The following MAX variants were observed in gnomAD, a reference collection of about 807,000 sequenced individuals.
The protein encoded by MAX is MYC associated transcriptional regulator X, also known as protein max.
MAX carries 3 observed loss-of-function variants against 22.3 expected under a neutral mutation model. The ratio of observed to expected loss-of-function variants is 0.13; its 90% CI spans 0.06 to 0.35. The LOEUF (loss-of-function observed/expected upper bound fraction) is 0.35. Among genes scored for constraint, MAX ranks in the 10% least tolerant of loss-of-function variants. The pLI, the probability that MAX is intolerant of heterozygous loss-of-function variation, is 1.00. For missense variants in MAX, 119 were observed against 209.4 expected (o/e 0.57, Z 2.66); for synonymous variants, 72 against 77.7 (o/e 0.93, Z 0.39).
intron 3 of MAX, among the ~76,000 whole-genome samples, chr14:65,043,083 A>T (rs1313872712): frequency 6.6e-6 from 1 of 152,166 alleles, no homozygotes; most frequent in Non-Finnish European, 1.5e-5. Flanking sequence ...TTACCTAGTA[A>T]GACTCTAGAA....
intron 3 of MAX, among the ~76,000 whole-genome samples, chr14:65,059,979 A>G (rs2062824761): frequency 1.3e-5 from 2 of 150,994 alleles, no homozygotes; most frequent in South Asian, 2.1e-4. Flanking sequence ...GATTACAGAC[A>G]CTCACCATCA....
chr14:65,076,682 A>G lies in MAX; in HGVS notation c.296-19T>C. On this transcript the variant is annotated intron_variant, in intron 4 of 4. Transcript: ENST00000358664. This position sits in a 1 kb window ranked among gnomAD's most constrained non-coding sequence, Gnocchi z 6.6. ...GCACGGACTAAAAGGCAACCAAGGG[A>G]GTGTGTTACTGCCTTCTGGAGACTT... is the stretch of plus-strand genomic sequence containing the variant. 1 of 1,614,080 alleles carries G rather than the reference A, an allele frequency of 6.2e-7. No individual in the cohort carries two copies. Among genetic ancestry groups the G allele is most frequent in the Non-Finnish European group, 8.5e-7 (1 of 1,179,990 alleles).
At position 65,054,232 on chromosome 14, in the gene MAX, C is replaced by A. The variant is rs1029982905; in HGVS notation, c.171+39476G>T. On this transcript the variant is annotated intron_variant, in intron 3 of 3. Coordinates refer to the MAX transcript ENST00000341653. The surrounding 1 kb of genome is among the most constrained non-coding windows in gnomAD (Gnocchi z 4.4). ...GGCTCGAGTGATCCTCCTGCTTCAGCCTCCCAAGTAACTGGAATTACAGGC... is the reference window on the plus strand; with the variant it reads ...GGCTCGAGTGATCCTCCTGCTTCAGACTCCCAAGTAACTGGAATTACAGGC... Among the ~76,000 whole-genome samples the A allele has an allele frequency of 6.6e-6, 1 of 152,108 alleles. No individual in the cohort carries two copies. The highest frequency in any genetic ancestry group is 2.4e-5 in the African/African-American group (1 of 41,418).
At chr14:65,066,837 T>G (rs55896900) in intron 3 of MAX, among the ~76,000 whole-genome samples, 25,151 of 138,966 alleles carry the variant, frequency 0.18, 3,392 homozygotes, top group African/African-American at 0.39. Flanking sequence ...ACTCCAGCCT[T>G]GGCAACAAGA....
Position 65,049,263 on chromosome 14 carries a change from A to G in MAX, c.172-42979T>C, listed in dbSNP as rs538943952. Among the ~76,000 whole-genome samples, 18 of 152,254 alleles carry G rather than the reference A, an allele frequency of 1.2e-4. 1 individual carries two copies. In the South Asian group the frequency reaches 3.7e-3, roughly 32 times the overall value. ...TTGGCTTGGTAGTTACTGGTTTCTT[A>G]TATGTTCTTTTGGACATACCCTGGA... On this transcript the variant is annotated intron_variant, in intron 3 of 3. Transcript: ENST00000341653.
rs1435721307 is a variant in MAX at position 65,030,566 on chromosome 14, C to T, written c.172-24282G>A. 6.6e-6 allele frequency among the ~76,000 whole-genome samples: 1 copy of T among 152,018 alleles called. No homozygotes were observed. The highest frequency in any genetic ancestry group is 1.5e-5 in the Non-Finnish European group (1 of 68,014). ...CCAACCTGGGTAACACAGCAAGACC[C>T]TGTCTCTACAAAAAATTTTTAAAAA... On this transcript the variant is annotated intron_variant, in intron 3 of 3. Transcript: ENST00000341653. This position sits in a 1 kb window ranked among gnomAD's most constrained non-coding sequence, Gnocchi z 4.5.
rs376853950 is a variant in MAX at position 65,090,927 on chromosome 14, T to G, written c.171+2781A>C. ...AAGTATCCCCTATTATTGGTTAGGA[T>G]CCAATTCAATTAACATATTGCTTTC... On this transcript the variant is annotated intron_variant, in intron 3 of 4. Transcript: ENST00000358664. Among the ~76,000 whole-genome samples, 170 of 152,276 alleles carry G rather than the reference T, an allele frequency of 1.1e-3. 3 individuals carry two copies. The highest frequency in any genetic ancestry group is 3.9e-3 in the African/African-American group (161 of 41,550).
chr14:65,059,366 A>G (rs1231718212), intron 3 of MAX, among the ~76,000 whole-genome samples: 3 of 151,840 alleles, frequency 2.0e-5, no homozygotes, highest in Non-Finnish European at 4.4e-5. Context: ...AGGTTTGTAT[A>G]GATCAGAGAT....
At chr14:65,089,133 T>A (rs2063425863) in intron 3 of MAX, among the ~76,000 whole-genome samples, 1 of 152,134 alleles carries the variant, frequency 6.6e-6, no homozygotes, top group African/African-American at 2.4e-5. Flanking sequence ...ACTCACAAGG[T>A]CTTACTTATA....
chr14:65,052,701 G>A (rs1727810848), intron 3 of MAX, among the ~76,000 whole-genome samples: 1 of 152,286 alleles, frequency 6.6e-6, no homozygotes, highest in East Asian at 1.9e-4. Context: ...TGTTTCTTAG[G>A]TAAATTCTTT....
chr14:65,021,873 T>G (rs141927811), intron 3 of MAX: 1 of 451,556 alleles, frequency 2.2e-6, no homozygotes, highest in East Asian at 7.0e-5. Flanking sequence ...CTCAAACTCC[T>G]GGCCTTAAGT....
rs2062068861 is a variant in MAX, at chr14:65,030,944, A to G, written c.172-24660T>C. Among the ~76,000 whole-genome samples the G allele has an allele frequency of 6.6e-6, 1 of 152,090 alleles. No individual in the cohort carries two copies. The highest frequency in any genetic ancestry group is 2.4e-5 in the African/African-American group (1 of 41,398). ...TGCCTCGGTCTCCCAAGTAGCTGGG[A>G]TTACAGGCGTGTGCCACCATGCCCA... On this transcript the variant is annotated intron_variant, in intron 3 of 3. Coordinates refer to the MAX transcript ENST00000341653. The surrounding 1 kb of genome is among the most constrained non-coding windows in gnomAD (Gnocchi z 4.5).
At chr14:65,091,145 CATA>C (rs1381525204) in intron 3 of MAX, among the ~76,000 whole-genome samples, 2 of 151,452 alleles carry the variant, frequency 1.3e-5, no homozygotes, top group Non-Finnish European at 2.9e-5. Flanking sequence ...TGATTATTTA[CATA>C]ATGTCATAAC....
In MAX at chr14:65,014,286, T is replaced by G. The variant is rs1457270967; in HGVS notation, c.172-8002A>C. 6.6e-6 allele frequency among the ~76,000 whole-genome samples: 1 copy of G among 152,218 alleles called. No homozygotes were observed. Among genetic ancestry groups the G allele is most frequent in the East Asian group, 1.9e-4 (1 of 5,202 alleles). On this transcript the variant is annotated intron_variant, in intron 3 of 3. Transcript: ENST00000341653. The surrounding 1 kb of genome is among the most constrained non-coding windows in gnomAD (Gnocchi z 5.1). ...GCTCAATAATCATTTATGGTTTAAT[T>G]AGGATCAAGAGCCGTCTGCATTTTG...
At chr14:65,022,673 T>C (rs2061910707) in intron 3 of MAX, among the ~76,000 whole-genome samples, 1 of 151,206 alleles carries the variant, frequency 6.6e-6, no homozygotes, top group Admixed American at 6.6e-5. Flanking sequence ...AGCCAAATAC[T>C]TAAAAAAAAA....
At chr14:65,008,035 A>G (rs750071763) in intron 3 of MAX, among the ~76,000 whole-genome samples, 1 of 152,226 alleles carries the variant, frequency 6.6e-6, no homozygotes. Flanking sequence ...TGTATGTGAT[A>G]CAATTTTAGA....
At position 65,077,740 on chromosome 14, in the gene MAX, G is replaced by A. The variant is rs2063097285; in HGVS notation, c.295+173C>T. 6.2e-6 allele frequency: 10 copies of A among 1,607,216 alleles called. No homozygotes were observed. Among genetic ancestry groups the A allele is most frequent in the Non-Finnish European group, 8.5e-6 (10 of 1,177,682 alleles). Reference sequence around the variant, plus strand: ...CACTGTCTCCTCACTGGCGCCTCAGGTCCTTCCTCAGGACGGCTCTAACAC... The same window carrying A: ...CACTGTCTCCTCACTGGCGCCTCAGATCCTTCCTCAGGACGGCTCTAACAC... On this transcript the variant is annotated intron_variant, in intron 4 of 4. Coordinates refer to ENST00000358664, the MANE Select transcript of MAX (RefSeq NM_002382.5). This position sits in a 1 kb window ranked among gnomAD's most constrained non-coding sequence, Gnocchi z 6.3.
chr14:65,078,999 G>A lies in MAX; in HGVS notation c.172-963C>T, dbSNP rs967194144. Among the ~76,000 whole-genome samples the A allele has an allele frequency of 3.3e-5, 5 of 152,176 alleles. No individual in the cohort carries two copies. The highest frequency in any genetic ancestry group is 4.8e-5 in the African/African-American group (2 of 41,434). ...CCTGGCTTTAAACTCAGAGCCATCC[G>A]ACTCCTGAACTGTACTCCTCCCATC... On this transcript the variant is annotated intron_variant, in intron 3 of 4. Transcript: ENST00000358664. The surrounding 1 kb of genome is among the most constrained non-coding windows in gnomAD (Gnocchi z 6.4).
chr14:65,077,724 C>T lies in MAX; in HGVS notation c.295+189G>A, dbSNP rs2063096850. The stretch of plus-strand genomic sequence containing the variant: ...CCAACTTCCTAGCTTCCACTGTCTC[C>T]TCACTGGCGCCTCAGGTCCTTCCTC... On this transcript the variant is annotated intron_variant, in intron 4 of 4. Coordinates refer to ENST00000358664, the MANE Select transcript of MAX (RefSeq NM_002382.5). This position sits in a 1 kb window ranked among gnomAD's most constrained non-coding sequence, Gnocchi z 6.3. 1.3e-6 allele frequency: 2 copies of T among 1,593,542 alleles called. No individual in the cohort carries two copies. The highest frequency in any genetic ancestry group is 1.9e-4 in the Middle Eastern group (1 of 5,252).
Sources: gnomAD v4.1 joint callset for allele counts (sites outside exome capture counted in the v4.1 genomes callset) on GRCh38, gnomAD v4.1.1 for gene constraint, Gnocchi (gnomAD v3.1) non-coding constraint, MANE v1.5 for transcripts, NCBI Gene and HGNC (gene_info 2026-07-23, HGNC 2026-07-21) for gene names.